Variants in MYO7B observed in about 807,000 individuals in gnomAD.
MYO7B encodes the protein myosin VIIB.
In MYO7B, 212 loss-of-function variants were observed where a neutral mutation model predicts 259.7. The observed-to-expected ratio is 0.82, with a 90% CI of 0.73 to 0.91. The LOEUF (loss-of-function observed/expected upper bound fraction) is 0.91. Ranked by LOEUF, MYO7B falls within the 40% of genes least tolerant of loss-of-function variation. The pLI, the probability that MYO7B is intolerant of heterozygous loss-of-function variation, is 0.00. For missense variants in MYO7B, 2,732 were observed against 2,813.5 expected (o/e 0.97, Z 0.66); for synonymous variants, 1,197 against 1,166.4 (o/e 1.03, Z -0.54).
Position 127,577,048 on chromosome 2 carries a change from A to C in MYO7B, c.849+340A>C, listed in dbSNP as rs1678899911. Among the ~76,000 whole-genome samples the C allele has an allele frequency of 6.6e-6, 1 of 151,834 alleles. No homozygotes were observed. The highest frequency in any genetic ancestry group is 1.5e-5 in the Non-Finnish European group (1 of 67,932). On this transcript the variant is annotated intron_variant, in intron 8 of 47. Coordinates refer to ENST00000409816, the MANE Select transcript of MYO7B (RefSeq NM_001393586.1). This position sits in a 1 kb window ranked among gnomAD's most constrained non-coding sequence, Gnocchi z 5.2. ...TGCCTCCTGCTCCTGATTTCACTCCAATTGTCTGTCCTTGCAGGCCCCCTA... is the reference window on the plus strand; with the variant it reads ...TGCCTCCTGCTCCTGATTTCACTCCCATTGTCTGTCCTTGCAGGCCCCCTA...
rs1203653933 is a variant in MYO7B at position 127,614,899 on chromosome 2, T to A, written c.3398+2296T>A. ...AACGTCGGATATGAGCATCCATTTGTCCTTGGCTGCAGGGCCTTGGTGAAA... is the reference window on the plus strand; with the variant it reads ...AACGTCGGATATGAGCATCCATTTGACCTTGGCTGCAGGGCCTTGGTGAAA... On this transcript the variant is annotated intron_variant, in intron 26 of 47. Transcript: ENST00000409816. The surrounding 1 kb of genome is among the most constrained non-coding windows in gnomAD (Gnocchi z 4.6). 6.6e-6 allele frequency among the ~76,000 whole-genome samples: 1 copy of A among 152,214 alleles called. No homozygotes were observed. The highest frequency in any genetic ancestry group is 1.5e-5 in the Non-Finnish European group (1 of 68,040).
chr2:127,606,168 C>G (rs1680151911), intron 20 of MYO7B, among the ~76,000 whole-genome samples: 1 of 152,218 alleles, frequency 6.6e-6, no homozygotes. Flanking sequence ...GAATTTGGAG[C>G]ATCCTCAGAG....
chr2:127,586,065 T>TG lies in MYO7B; in HGVS notation c.1690+1153dup, dbSNP rs1357766432. Reference sequence around the variant, plus strand: ...TTTGAGGCCCAAAAAGCTTTCATTTTGAAGAAGTCCAACTTATCTATTTTC... The same window carrying TG: ...TTTGAGGCCCAAAAAGCTTTCATTTTGGAAGAAGTCCAACTTATCTATTTTC... On this transcript the variant is annotated intron_variant, in intron 14 of 47. Transcript: ENST00000409816. The surrounding 1 kb of genome is among the most constrained non-coding windows in gnomAD (Gnocchi z 4.8). 2.6e-5 allele frequency among the ~76,000 whole-genome samples: 4 copies of TG among 152,378 alleles called. No homozygotes were observed. Among genetic ancestry groups the TG allele is most frequent in the Non-Finnish European group, 5.9e-5 (4 of 68,040 alleles).
intron 30 of MYO7B, among the ~76,000 whole-genome samples, 192 bp from the exon 31 acceptor site, chr2:127,625,176 C>T (rs1461179695): frequency 6.6e-6 from 1 of 152,212 alleles, no homozygotes; most frequent in African/African-American, 2.4e-5. Flanking sequence ...AGGCTCTGGC[C>T]AAGGCCTCTG....
At chr2:127,631,782 G>A (rs376714204) in intron 38 of MYO7B, 29 bp downstream of exon 38, 15 of 1,605,830 alleles carry the variant, frequency 9.3e-6, no homozygotes, top group African/African-American at 5.3e-5. Flanking sequence ...CAGCCCACGC[G>A]GGCACCCTCA....
Position 127,584,129 on chromosome 2 carries a change from C to T in MYO7B, c.1351C>T (p.Gln451Ter). ...FENFENNSFE[Q>*]LCINFANEHL... ...GTGACCTTGCCTCCACAGCTTCGAG[C>T]AGCTCTGCATCAACTTCGCCAACGA... The change falls in exon 13 of 48, where the codon CAG (glutamine) becomes TAG (stop). Residue 451 changes from glutamine (Q) to a stop codon, truncating the protein, a stop_gained. Transcript: ENST00000409816. LOFTEE classifies it high-confidence loss of function. The surrounding 1 kb of genome is among the most constrained non-coding windows in gnomAD (Gnocchi z 5.8). 6.2e-7 allele frequency: 1 copy of T among 1,612,872 alleles called. No individual in the cohort carries two copies. Among genetic ancestry groups the T allele is most frequent in the South Asian group, 1.1e-5 (1 of 90,846 alleles).
At chr2:127,612,067 C>A (rs1040825647) in intron 24 of MYO7B, among the ~76,000 whole-genome samples, 183 bp from the exon 25 acceptor site, 2 of 152,150 alleles carry the variant, frequency 1.3e-5, no homozygotes, top group African/African-American at 4.8e-5. Flanking sequence ...GAGGATGGGA[C>A]ACGCACCTGT....
rs572349151 is a variant in MYO7B at position 127,577,930 on chromosome 2, G to A, written c.850-203G>A. Among the ~76,000 whole-genome samples the A allele has an allele frequency of 2.6e-5, 4 of 152,356 alleles. No individual in the cohort carries two copies. The highest frequency in any genetic ancestry group is 9.6e-5 in the African/African-American group (4 of 41,590). On this transcript the variant is annotated intron_variant, in intron 8 of 47. Coordinates refer to ENST00000409816, the MANE Select transcript of MYO7B (RefSeq NM_001393586.1). The surrounding 1 kb of genome is among the most constrained non-coding windows in gnomAD (Gnocchi z 5.2). Reference sequence around the variant, plus strand: ...TGTGACTTGGCCAAGGTCACACAGTGGCCAAATGCTGGTGCTGGTGGCAAG... The same window carrying A: ...TGTGACTTGGCCAAGGTCACACAGTAGCCAAATGCTGGTGCTGGTGGCAAG...
At chr2:127,560,977 A>C (rs962355855) in intron 2 of MYO7B, among the ~76,000 whole-genome samples, 1 of 152,106 alleles carries the variant, frequency 6.6e-6, no homozygotes, top group Admixed American at 6.5e-5. Flanking sequence ...AGGCTGTTTT[A>C]GTTTGGAGAA....
intron 1 of MYO7B, among the ~76,000 whole-genome samples, chr2:127,554,457 T>C (rs746550232): frequency 1.5e-4 from 23 of 152,272 alleles, no homozygotes; most frequent in Non-Finnish European, 2.6e-4. Flanking sequence ...GATTATCTTT[T>C]TGAGATGCTG....
At position 127,626,799 on chromosome 2, in the gene MYO7B, A is replaced by C. The variant is rs191241713; in HGVS notation, c.4216-176A>C. 3.5e-5 allele frequency: 21 copies of C among 594,060 alleles called. No homozygotes were observed. The Admixed American group carries it at 5.1e-4, about 14-fold the overall frequency. 36.8% of individuals were successfully genotyped at this position (594,060 alleles called of 1,614,324 possible). On this transcript the variant is annotated intron_variant, in intron 31 of 47. Transcript: ENST00000409816. ...GTCTCAAAAAAGAAAAAAAAAGGAT[A>C]GGGCTGCACCAGTCCCTGGGGACGT...
intron 36 of MYO7B, 73 bp downstream of exon 36, chr2:127,630,981 C>G: frequency 6.9e-7 from 1 of 1,456,442 alleles, no homozygotes; most frequent in Non-Finnish European, 9.3e-7. Flanking sequence ...GCACCCCCTG[C>G]TCCCAGCCCC....
chr2:127,571,798 T>G (rs1678642271), intron 6 of MYO7B, among the ~76,000 whole-genome samples: 1 of 152,002 alleles, frequency 6.6e-6, no homozygotes. Context: ...GTTTTAAGAG[T>G]TCGTTCTGTG....
chr2:127,602,094 A>G (rs1190724879), intron 19 of MYO7B, among the ~76,000 whole-genome samples: 2 of 150,934 alleles, frequency 1.3e-5, no homozygotes, highest in African/African-American at 2.4e-5. Context: ...TTGCCTTTCT[A>G]TGACTTATTT....
Position 127,631,362 on chromosome 2 carries a change from C to G in MYO7B, c.5094C>G (p.Val1698=), listed in dbSNP as rs147367030. The change falls in exon 37 of 48, where the codon GTC becomes GTG. Residue 1698 remains valine, a splice_region_variant and synonymous_variant. Transcript: ENST00000409816. ...GGGACATCGCCTGCCAGATCTTTGT[C>G]GATATCCTTCCCCACCAGCCTGCCT... The part of the protein sequence containing the change: ...DLWDIACQIF[V]AILRYMGDYP... 6.2e-7 allele frequency: 1 copy of G among 1,603,660 alleles called. No homozygotes were observed. Among genetic ancestry groups the G allele is most frequent in the Non-Finnish European group, 8.5e-7 (1 of 1,172,722 alleles).
intron 30 of MYO7B, 115 bp downstream of exon 30, chr2:127,624,435 G>A (rs960083393): frequency 1.1e-6 from 1 of 921,420 alleles, no homozygotes; most frequent in Middle Eastern, 2.5e-4. Flanking sequence ...CAGGAAAGGG[G>A]GTCACAAGGG....
rs774691155 is a variant in MYO7B at position 127,565,291 on chromosome 2, T to C, written c.191T>C (p.Val64Ala). 4 of 1,613,920 alleles carry C rather than the reference T, an allele frequency of 2.5e-6. No individual in the cohort carries two copies. The highest frequency in any genetic ancestry group is 3.4e-6 in the Non-Finnish European group (4 of 1,179,858). The change falls in exon 4 of 48, where the codon GTC (valine) becomes GCC (alanine). Residue 64 changes from valine to alanine, a missense_variant. Transcript: ENST00000409816. Reference protein sequence around the residue: ...GVLSPMHPNSVQGVDDMIRLG... With the variant: ...GVLSPMHPNSAQGVDDMIRLG... ...CTCAGTCCCATGCACCCCAACTCAGTCCAGGGTGTGGACGACATGATCCGC... is the reference window on the plus strand; with the variant it reads ...CTCAGTCCCATGCACCCCAACTCAGCCCAGGGTGTGGACGACATGATCCGC...
intron 18 of MYO7B, among the ~76,000 whole-genome samples, chr2:127,596,201 T>C (rs1679763477): frequency 6.6e-6 from 1 of 152,232 alleles, no homozygotes. Flanking sequence ...TCTTGAATTC[T>C]TCAGAGTAGA....
At chr2:127,623,732 G>A (rs1012996632) in intron 29 of MYO7B, among the ~76,000 whole-genome samples, 1 of 152,120 alleles carries the variant, frequency 6.6e-6, no homozygotes, top group Non-Finnish European at 1.5e-5. Context: ...CAGCAAACAT[G>A]GAGGGTCACA....
Sources: gnomAD v4.1 joint callset for allele counts (sites outside exome capture counted in the v4.1 genomes callset) on GRCh38, gnomAD v4.1.1 for gene constraint, Gnocchi (gnomAD v3.1) non-coding constraint, MANE v1.5 for transcripts, NCBI Gene and HGNC (gene_info 2026-07-23, HGNC 2026-07-21) for gene names.